ST7: variants seen among roughly 807,000 people sequenced by gnomAD.
The protein encoded by ST7 is suppression of tumorigenicity 7.
ST7 carries 28 observed loss-of-function variants against 78.7 expected under a neutral mutation model. The ratio of observed to expected loss-of-function variants is 0.36; its 90% CI spans 0.26 to 0.49. ST7 has a LOEUF of 0.49. Ranked by LOEUF, ST7 falls within the 20% of genes least tolerant of loss-of-function variation. The probability of loss-of-function intolerance (pLI) is 0.99; values close to 1 mark genes in which losing one functional copy is unlikely to be tolerated. For missense variants in ST7, 418 were observed against 696.0 expected (o/e 0.60, Z 4.49); for synonymous variants, 247 against 249.6 (o/e 0.99, Z 0.10).
intron 1 of ST7, among the ~76,000 whole-genome samples, chr7:117,007,141 G>T (rs1795190379): frequency 6.6e-6 from 1 of 152,212 alleles, no homozygotes; most frequent in African/African-American, 2.4e-5. Flanking sequence ...AATGACGAAG[G>T]CATGTCAAAA....
chr7:117,218,979 G>C, intron 13 of ST7, 105 bp from the exon 14 acceptor site: 1 of 833,334 alleles, frequency 1.2e-6, no homozygotes, highest in Non-Finnish European at 2.0e-6. Context: ...TGCCTCCTTT[G>C]TAGAAGTGTT....
chr7:117,077,901 G>T (rs932750902), intron 1 of ST7, among the ~76,000 whole-genome samples: 1 of 146,402 alleles, frequency 6.8e-6, no homozygotes, highest in East Asian at 2.0e-4. Flanking sequence ...GCTGGAATGT[G>T]ATATTGATTG....
intron 1 of ST7, among the ~76,000 whole-genome samples, chr7:116,992,420 C>T (rs1344016926): frequency 6.6e-6 from 1 of 152,234 alleles, no homozygotes; most frequent in Non-Finnish European, 1.5e-5. Flanking sequence ...GTGGAAGCTT[C>T]CAAGGCTTGG....
chr7:116,961,555 CGT>C (rs35640208), intron 1 of ST7, among the ~76,000 whole-genome samples: 61,634 of 138,108 alleles, frequency 0.45, 13,292 homozygotes, highest in South Asian at 0.53. Flanking sequence ...TGTATTCCTA[CGT>C]GTGTGTGTGT....
intron 1 of ST7, chr7:116,957,010 C>A: frequency 1.7e-5 from 3 of 172,134 alleles, no homozygotes; most frequent in Non-Finnish European, 3.7e-5. Flanking sequence ...CAGAGAAGAG[C>A]TAATCGTGGA....
chr7:116,954,448 C>T (rs1410618633), intron 1 of ST7: 1 of 152,306 alleles, frequency 6.6e-6, no homozygotes, highest in African/African-American at 2.4e-5. Flanking sequence ...GCTCGTCTCC[C>T]TTCCCTGTAA....
intron 1 of ST7, among the ~76,000 whole-genome samples, chr7:117,027,166 G>A (rs1796226038): frequency 6.6e-6 from 1 of 152,318 alleles, no homozygotes; most frequent in Non-Finnish European, 1.5e-5. Flanking sequence ...ATAAAGGGCT[G>A]GGCACAGTGG....
At chr7:117,059,285 CA>C (rs1798225578) in intron 1 of ST7, among the ~76,000 whole-genome samples, 1 of 151,994 alleles carries the variant, frequency 6.6e-6, no homozygotes, top group African/African-American at 2.4e-5. Flanking sequence ...ATGCCTGTAC[CA>C]AAACATCTAA....
chr7:117,110,109 A>G (rs530141594), intron 2 of ST7, among the ~76,000 whole-genome samples: 1 of 152,298 alleles, frequency 6.6e-6, no homozygotes, highest in South Asian at 2.1e-4. Flanking sequence ...CTTTTAGCAT[A>G]TATGTTTTGT....
At chr7:117,224,532 T>C (rs1396402395) in intron 15 of ST7, among the ~76,000 whole-genome samples, 6 of 152,232 alleles carry the variant, frequency 3.9e-5, no homozygotes, top group African/African-American at 1.4e-4. Context: ...TAAACAATTA[T>C]TGCTCTTTTA....
At chr7:117,146,092 A>C (rs1305041604) in intron 9 of ST7, 1 of 152,214 alleles carries the variant, frequency 6.6e-6, no homozygotes, top group Non-Finnish European at 1.5e-5. Flanking sequence ...ACATTCTGCT[A>C]AGAAATTTAC....
intron 1 of ST7, among the ~76,000 whole-genome samples, chr7:117,046,659 C>T (rs1277353538): frequency 1.3e-5 from 2 of 151,974 alleles, no homozygotes; most frequent in African/African-American, 2.4e-5. Flanking sequence ...TACCATATAA[C>T]AAGTAAATGT....
At chr7:117,171,525 G>A (rs1047950511) in intron 10 of ST7, among the ~76,000 whole-genome samples, 1 of 151,618 alleles carries the variant, frequency 6.6e-6, no homozygotes, top group African/African-American at 2.4e-5. Context: ...TAAATGGCAG[G>A]CTTTGAAGTC....
chr7:117,171,831 C>A (rs1234633108), intron 10 of ST7, among the ~76,000 whole-genome samples: 6 of 151,886 alleles, frequency 4.0e-5, no homozygotes, highest in Non-Finnish European at 7.4e-5. Context: ...ATTATATAAT[C>A]ATTTTTTGCT....
At chr7:117,075,725 GA>G (rs1282208067) in intron 1 of ST7, among the ~76,000 whole-genome samples, 1 of 152,182 alleles carries the variant, frequency 6.6e-6, no homozygotes, top group Non-Finnish European at 1.5e-5. Context: ...AATTGCAGGG[GA>G]TTCCCATAAG....
At chr7:117,035,541 A>C (rs1796846357) in intron 1 of ST7, among the ~76,000 whole-genome samples, 1 of 152,224 alleles carries the variant, frequency 6.6e-6, no homozygotes. Context: ...ATATAGTAGA[A>C]ATTTTAACTG....
chr7:117,198,232 G>T, intron 12 of ST7: 1 of 408,910 alleles, frequency 2.4e-6, no homozygotes, highest in South Asian at 1.8e-5. Flanking sequence ...AAATTACATC[G>T]TGTAATTCAT....
At chr7:117,141,679 TTTC>T (rs1219165517) in intron 9 of ST7, among the ~76,000 whole-genome samples, 1 of 152,138 alleles carries the variant, frequency 6.6e-6, no homozygotes, top group African/African-American at 2.4e-5. Flanking sequence ...TTTTTTTCTT[TTTC>T]TTTTTTAAGA....
chr7:117,051,313 A>C (rs1485336287), intron 1 of ST7, among the ~76,000 whole-genome samples: 1 of 152,238 alleles, frequency 6.6e-6, no homozygotes, highest in Non-Finnish European at 1.5e-5. Flanking sequence ...GTCTCTTAAC[A>C]CAGCTAAGGT....
Sources: gnomAD v4.1 joint callset for allele counts (sites outside exome capture counted in the v4.1 genomes callset) on GRCh38, gnomAD v4.1.1 for gene constraint, MANE v1.5 for transcripts, NCBI Gene and HGNC (gene_info 2026-07-23, HGNC 2026-07-21) for gene names.